TACC2: variants seen among roughly 807,000 people sequenced by gnomAD.
TACC2 encodes the protein transforming acidic coiled-coil-containing protein 2.
TACC2 carries 137 observed loss-of-function variants against 227.3 expected under a neutral mutation model. The ratio of observed to expected loss-of-function variants is 0.60; its 90% CI spans 0.52 to 0.69. The LOEUF is 0.69. Ranked by LOEUF, TACC2 falls within the 30% of genes least tolerant of loss-of-function variation. The pLI is 0.00. For synonymous variants in TACC2, 1,523 were observed against 1,487.5 expected (o/e 1.02, Z -0.55); for missense variants, 3,470 against 3,694.4 (o/e 0.94, Z 1.57).
At chr10:122,042,096 C>T (rs1390341915) in intron 2 of TACC2, among the ~76,000 whole-genome samples, 3 of 152,256 alleles carry the variant, frequency 2.0e-5, no homozygotes, top group Admixed American at 6.5e-5. Context: ...CAGGCGCCCG[C>T]GACCACGCCC....
chr10:122,237,825 T>C, intron 17 of TACC2, 136 bp from the exon 18 acceptor site: 1 of 737,686 alleles, frequency 1.4e-6, no homozygotes, highest in Non-Finnish European at 2.2e-6. Flanking sequence ...GGAAGTTCTC[T>C]GAATGTAATT....
At chr10:122,013,487 A>G (rs965823601) in intron 1 of TACC2, among the ~76,000 whole-genome samples, 17 of 152,216 alleles carry the variant, frequency 1.1e-4, no homozygotes, top group African/African-American at 3.1e-4. Context: ...CACTGAATTC[A>G]GTCACTGGAG....
At chr10:122,142,812 G>GGTAC (rs2090815320) in intron 6 of TACC2, among the ~76,000 whole-genome samples, 1 of 152,208 alleles carries the variant, frequency 6.6e-6, no homozygotes, top group African/African-American at 2.4e-5. Context: ...AGGCTGGGAG[G>GGTAC]GTACCACCCT....
At chr10:122,187,716 C>T (rs1324750666) in intron 7 of TACC2, among the ~76,000 whole-genome samples, 1 of 152,050 alleles carries the variant, frequency 6.6e-6, no homozygotes, top group Non-Finnish European at 1.5e-5. Flanking sequence ...GTCTGGAACT[C>T]CTGATCTCAG....
chr10:122,038,884 G>A (rs2073909352), intron 2 of TACC2, among the ~76,000 whole-genome samples: 1 of 152,186 alleles, frequency 6.6e-6, no homozygotes, highest in African/African-American at 2.4e-5. Context: ...TTGCATTAAA[G>A]GGACATTGAG....
In TACC2 at chr10:122,226,388, A is replaced by G; in HGVS notation, c.7631A>G (p.Lys2544Arg). 1.2e-6 allele frequency: 2 copies of G among 1,614,042 alleles called. No individual in the cohort carries two copies. The highest frequency in any genetic ancestry group is 1.7e-5 in the Admixed American group (1 of 60,022). Residue 2544 changes from lysine (K) to arginine (R), a missense_variant, in exon 13 of 23, where the codon AAG becomes AGG. Lys to Arg is a conservative substitution (Grantham distance 26, BLOSUM62 2). Coordinates refer to ENST00000369005, the MANE Select transcript of TACC2 (RefSeq NM_206862.4). ...CAGCAGGACGACGATGCCCCGAAGAAGCAGGCCTTGTACCTTATGTTTGAC... is the reference window on the plus strand; with the variant it reads ...CAGCAGGACGACGATGCCCCGAAGAGGCAGGCCTTGTACCTTATGTTTGAC... ...SLPQDDDAPKKQALYLMFDTS... is the reference protein window; with the variant it reads ...SLPQDDDAPKRQALYLMFDTS...
At chr10:122,172,236 G>T (rs2093508228) in intron 7 of TACC2, among the ~76,000 whole-genome samples, 12 of 152,188 alleles carry the variant, frequency 7.9e-5, no homozygotes, top group Admixed American at 7.2e-4. Context: ...GCAGGCTATT[G>T]GTCTAGGTTG....
At position 122,229,397 on chromosome 10, in the gene TACC2, G is replaced by T; in HGVS notation, c.7948G>T (p.Ala2650Ser). The change falls in exon 15 of 23, where the codon GCT becomes TCT. Residue 2650 changes from alanine to serine, a missense_variant. This residue lies in a region of TACC2 where 345 missense variants were observed against 354.4 expected (regional missense o/e 0.97). Transcript: ENST00000369005. ...ASADALLSRL[A>S]HPVSLCGALD... ...TGCTGACGCCCTCCTCAGCAGGCTA[G>T]CTCACCCCGTCTCTCTCTGTGGTGC... 1 of 1,613,950 alleles carries T rather than the reference G, an allele frequency of 6.2e-7. No homozygotes were observed. The highest frequency in any genetic ancestry group is 8.5e-7 in the Non-Finnish European group (1 of 1,179,994).
chr10:122,236,802 A>G (rs148049083), intron 16 of TACC2, among the ~76,000 whole-genome samples: 1,544 of 152,338 alleles, frequency 0.01, 13 homozygotes, highest in Non-Finnish European at 0.017. Flanking sequence ...ACTCTAACAT[A>G]ACTCCAACAT....
intron 5 of TACC2, among the ~76,000 whole-genome samples, chr10:122,122,593 G>A (rs1252753757): frequency 2.0e-5 from 3 of 151,492 alleles, no homozygotes; most frequent in East Asian, 1.9e-4. Context: ...TCCAGGGTCC[G>A]TTTGATAAGC....
chr10:122,132,549 C>T lies in TACC2; in HGVS notation c.5574-60C>T, dbSNP rs2088527445. 1.9e-5 allele frequency: 30 copies of T among 1,605,896 alleles called. No homozygotes were observed. The South Asian group carries it at 3.2e-4, about 17-fold the overall frequency. On this transcript the variant is annotated intron_variant, in intron 5 of 22. Coordinates refer to ENST00000369005, the MANE Select transcript of TACC2 (RefSeq NM_206862.4). ...GGATAAGAAAAGCGAAACTCCGTCT[C>T]AAAACAAAAACTTGTAGGAATGTTT...
rs1160232595 is a variant in TACC2 at position 122,086,541 on chromosome 10, A to G, written c.4041A>G (p.Ala1347=). Residue 1347 remains alanine (A), a synonymous_variant, in exon 4 of 23, where the codon GCA becomes GCG. Transcript: ENST00000369005. ...AGCAGGCAACAGGGGAAGAGAAAGC[A>G]GCAACAGCTCCAGGTGCAGGTGCCA... ...KGKQATGEEK[A]ATAPGAGAKA... 1.2e-6 allele frequency: 2 copies of G among 1,609,102 alleles called. No individual in the cohort carries two copies. The highest frequency in any genetic ancestry group is 3.3e-5 in the Admixed American group (2 of 59,706).
chr10:122,161,943 GC>G (rs1267891568), intron 7 of TACC2, among the ~76,000 whole-genome samples: 1 of 152,222 alleles, frequency 6.6e-6, no homozygotes, highest in Non-Finnish European at 1.5e-5. Flanking sequence ...CCCCCAGGGT[GC>G]TGAGAATGGT....
chr10:122,213,731 G>A lies in TACC2; in HGVS notation c.7284-1660G>A, dbSNP rs139726760. ...TTCATTTTAAACTGGGCTAGTGGGC[G>A]ATTGCTTTCAACACTACTGTGGCTT... On this transcript the variant is annotated intron_variant, in intron 9 of 22. Transcript: ENST00000369005. 4.1e-3 allele frequency among the ~76,000 whole-genome samples: 620 copies of A among 152,274 alleles called. 19 individuals carry two copies. The highest frequency in any genetic ancestry group is 0.039 in the Admixed American group (600 of 15,286).
intron 8 of TACC2, among the ~76,000 whole-genome samples, chr10:122,206,335 A>AT (rs1259845444): frequency 6.6e-6 from 1 of 152,196 alleles, no homozygotes; most frequent in Non-Finnish European, 1.5e-5. Flanking sequence ...TATGGCCTGA[A>AT]TTGTGGCCTC....
intron 16 of TACC2, 86 bp downstream of exon 16, chr10:122,230,526 C>T (rs1340145793): frequency 3.2e-6 from 4 of 1,264,524 alleles, no homozygotes; most frequent in Non-Finnish European, 4.6e-6. Flanking sequence ...AACCATCCGC[C>T]AGGCGGGCAT....
intron 1 of TACC2, among the ~76,000 whole-genome samples, chr10:122,014,703 G>A (rs1205138379): frequency 6.6e-6 from 1 of 152,014 alleles, no homozygotes; most frequent in African/African-American, 2.4e-5. Context: ...CCCTTCTCTT[G>A]CAGACCTGCC....
intron 1 of TACC2, among the ~76,000 whole-genome samples, chr10:121,999,518 C>G (rs1434388314): frequency 2.6e-5 from 4 of 152,214 alleles, no homozygotes; most frequent in Non-Finnish European, 2.9e-5. Flanking sequence ...ACATGTGTTC[C>G]AAGTCTTTGA....
At chr10:122,218,717 G>A (rs1042866952) in intron 11 of TACC2, among the ~76,000 whole-genome samples, 2 of 152,014 alleles carry the variant, frequency 1.3e-5, no homozygotes, top group African/African-American at 4.8e-5. Flanking sequence ...TGAGAGGTCC[G>A]AAAGTGACCA....
Sources: gnomAD v4.1 joint callset for allele counts (sites outside exome capture counted in the v4.1 genomes callset) on GRCh38, gnomAD v4.1.1 for gene constraint, gnomAD v4.1.1 regional missense constraint, MANE v1.5 for transcripts, NCBI Gene and HGNC (gene_info 2026-07-23, HGNC 2026-07-21) for gene names.